ZNF91: variants seen among roughly 807,000 people sequenced by gnomAD.
ZNF91 encodes zinc finger protein 91.
In ZNF91, 7 loss-of-function variants were observed where a neutral mutation model predicts 12.6. The ratio of observed to expected loss-of-function variants is 0.55; its 90% CI spans 0.31 to 1.04. The LOEUF is 1.04. Among genes scored for constraint, ZNF91 ranks in the 50% least tolerant of loss-of-function variants. The pLI, the probability that ZNF91 is intolerant of heterozygous loss-of-function variation, is 0.05. For missense variants in ZNF91, 1,217 were observed against 1,385.4 expected (o/e 0.88, Z 1.93); for synonymous variants, 453 against 462.6 (o/e 0.98, Z 0.27).
chr19:23,322,413 C>T (rs1360337509), intron 1 of ZNF91, among the ~76,000 whole-genome samples: 1 of 152,190 alleles, frequency 6.6e-6, no homozygotes. Flanking sequence ...CTCCTAGGCA[C>T]TGCATACATT....
chr19:23,329,534 G>A (rs1234760341), intron 1 of ZNF91, among the ~76,000 whole-genome samples: 4 of 152,210 alleles, frequency 2.6e-5, no homozygotes, highest in Non-Finnish European at 4.4e-5. Flanking sequence ...GTAGTAAACG[G>A]AAGTTGCTGT....
In ZNF91 at chr19:23,344,836, A is replaced by C. The variant is rs61624697; in HGVS notation, c.254-5782T>G. On this transcript the variant is annotated intron_variant, in intron 3 of 3. Coordinates refer to the ZNF91 transcript ENST00000599743. ...CACCAGCAGCGTGCGTCAGCAAGAGAGCGGAAGCAGGAACAGTTGGCAGGA... is the reference window on the plus strand; with the variant it reads ...CACCAGCAGCGTGCGTCAGCAAGAGCGCGGAAGCAGGAACAGTTGGCAGGA... 1.5e-3 allele frequency among the ~76,000 whole-genome samples: 232 copies of C among 152,320 alleles called. 4 individuals are homozygous for C. The East Asian group carries it at 0.038, about 25-fold the overall frequency.
At chr19:23,310,800 C>A (rs1967457667), upstream of ZNF91, among the ~76,000 whole-genome samples, 1 of 152,108 alleles carries the variant, frequency 6.6e-6, no homozygotes, top group African/African-American at 2.4e-5. Context: ...TCATGTTCTG[C>A]CTTGGTGATG....
At chr19:23,318,034 C>A (rs567804219) in intron 1 of ZNF91, among the ~76,000 whole-genome samples, 1 of 152,290 alleles carries the variant, frequency 6.6e-6, no homozygotes, top group Non-Finnish European at 1.5e-5. Flanking sequence ...CTTGCTAAAC[C>A]CAGTACCTTC....
At chr19:23,376,628 A>T (rs1969513221) in intron 1 of ZNF91, among the ~76,000 whole-genome samples, 1 of 152,102 alleles carries the variant, frequency 6.6e-6, no homozygotes, top group South Asian at 2.1e-4. Context: ...ACCTCAGGTG[A>T]TCTGCCCGCC....
At chr19:23,390,647 C>A (rs1243098066) in intron 1 of ZNF91, among the ~76,000 whole-genome samples, 1 of 152,000 alleles carries the variant, frequency 6.6e-6, no homozygotes, top group Non-Finnish European at 1.5e-5. Context: ...CATGAGCCAT[C>A]GTGGTGGGCC....
At chr19:23,327,678 CTG>C (rs893614831) in intron 1 of ZNF91, 2 of 152,132 alleles carry the variant, frequency 1.3e-5, no homozygotes, top group African/African-American at 4.8e-5. Flanking sequence ...GTATTTTCCT[CTG>C]TGATACAGAA....
chr19:23,371,250 G>C (rs1053915751), intron 3 of ZNF91, among the ~76,000 whole-genome samples: 2 of 152,114 alleles, frequency 1.3e-5, no homozygotes, highest in African/African-American at 4.8e-5. Flanking sequence ...AGAGGCTGAG[G>C]CAAGAGAATC....
Position 23,361,383 on chromosome 19 carries a change from G to A in ZNF91, c.1596C>T (p.Thr532=), listed in dbSNP as rs1322228755. 6.2e-7 allele frequency: 1 copy of A among 1,613,240 alleles called. No homozygotes were observed. The highest frequency in any genetic ancestry group is 1.1e-5 in the South Asian group (1 of 91,006). ...ECGKAFRQSL[T]LNKHKIIHSR... is the part of the protein sequence containing the mutation. ...TATGAATTATCTTATGTTTATTAAG[G>A]GTTAAGGATTGTCTAAAAGCTTTGC... The change falls in exon 4 of 4, where the codon ACC becomes ACT. Residue 532 remains threonine, a synonymous_variant. Coordinates refer to ENST00000300619, the MANE Select transcript of ZNF91 (RefSeq NM_003430.4).
At chr19:23,322,505 CAT>C (rs1284264708) in intron 1 of ZNF91, among the ~76,000 whole-genome samples, 3 of 152,168 alleles carry the variant, frequency 2.0e-5, no homozygotes, top group Non-Finnish European at 4.4e-5. Flanking sequence ...TGTATTACCA[CAT>C]ATCTTTTCCT....
At chr19:23,370,119 AATT>A (rs1335777564) in intron 3 of ZNF91, among the ~76,000 whole-genome samples, 5 of 152,110 alleles carry the variant, frequency 3.3e-5, no homozygotes, top group Admixed American at 6.5e-5. Context: ...CTTTAAATAA[AATT>A]ATTATCAAAT....
chr19:23,349,831 A>C (rs1380390689), intron 3 of ZNF91, among the ~76,000 whole-genome samples: 1 of 152,150 alleles, frequency 6.6e-6, no homozygotes, highest in Non-Finnish European at 1.5e-5. Flanking sequence ...TAATAATTTA[A>C]AACAAACAAA....
intron 1 of ZNF91, among the ~76,000 whole-genome samples, chr19:23,391,924 T>C (rs1350731299): frequency 6.6e-6 from 1 of 152,166 alleles, no homozygotes; most frequent in Non-Finnish European, 1.5e-5. Flanking sequence ...AACTTGGCTT[T>C]TGAAACTATA....
rs1458210450 is a variant in ZNF91, at chr19:23,358,015, T to C, written c.*1388A>G. 5 of 152,172 alleles carry C rather than the reference T, an allele frequency of 3.3e-5. No homozygotes were observed. Among genetic ancestry groups the C allele is most frequent in the Admixed American group, 1.3e-4 (2 of 15,276 alleles). The allele number at this position is 152,172 out of a possible 1,614,324, so 9.4% of individuals were successfully genotyped here. A position where few individuals can be genotyped will look rare whatever the true frequency, so the allele number is the denominator to read the frequency against. On this transcript the variant is annotated 3_prime_UTR_variant, in exon 4 of 4. Coordinates refer to ENST00000300619, the MANE Select transcript of ZNF91 (RefSeq NM_003430.4). ...GCCTATGGGAACAATATTCTTTAAC[T>C]TAATGGCAATTAAAACTCACTGGCA... is the stretch of plus-strand genomic sequence containing the variant.
rs1327061282 is a variant in ZNF91, at chr19:23,361,966, G to C, written c.1013C>G (p.Ala338Gly). Residue 338 changes from alanine (A) to glycine (G), a missense_variant, in exon 4 of 4, where the codon GCT (alanine) becomes GGT (glycine). By Grantham distance (60) the Ala-to-Gly change is moderately conservative (BLOSUM62 0). Around this residue, in one of 2 missense-constraint regions of ZNF91, gnomAD observed 726 missense variants for 895.5 expected, o/e 0.81. Coordinates refer to ENST00000300619, the MANE Select transcript of ZNF91 (RefSeq NM_003430.4). ...TCCAGTATGAATTCTCTTATGTTTA[G>C]CAAGGGTTGAAGAACGGCTAAAAGC... Reference protein sequence around the residue: ...GKAFSRSSTLAKHKRIHTGEK... With the variant: ...GKAFSRSSTLGKHKRIHTGEK... 3.2e-6 allele frequency: 5 copies of C among 1,575,514 alleles called. No homozygotes were observed. The highest frequency in any genetic ancestry group is 4.3e-6 in the Non-Finnish European group (5 of 1,162,622).
At chr19:23,380,533 T>C (rs1454247277) in intron 1 of ZNF91, 1 of 152,064 alleles carries the variant, frequency 6.6e-6, no homozygotes, top group Non-Finnish European at 1.5e-5. Context: ...ATAGGGTTTC[T>C]AAAACAGATA....
intron 1 of ZNF91, among the ~76,000 whole-genome samples, chr19:23,323,580 TCCC>T (rs1967760934): frequency 6.7e-6 from 1 of 149,162 alleles, no homozygotes; most frequent in African/African-American, 2.5e-5. Flanking sequence ...CTTCTCTTCC[TCCC>T]ATCCTCCTTT....
At chr19:23,375,438 C>A (rs567031456) in intron 1 of ZNF91, among the ~76,000 whole-genome samples, 86 of 152,222 alleles carry the variant, frequency 5.6e-4, no homozygotes, top group South Asian at 1.0e-3. Flanking sequence ...GGATTACAGG[C>A]ATGAGCCACC....
chr19:23,386,641 A>G (rs1969882817), intron 1 of ZNF91, among the ~76,000 whole-genome samples: 1 of 152,218 alleles, frequency 6.6e-6, no homozygotes, highest in Non-Finnish European at 1.5e-5. Context: ...ATTACACCAT[A>G]CACAAAAATC....
Sources: allele counts gnomAD v4.1 joint callset (sites outside exome capture counted in the v4.1 genomes callset), GRCh38; gene constraint gnomAD v4.1.1; regional missense constraint gnomAD v4.1.1; transcripts MANE v1.5; gene names NCBI Gene and HGNC (gene_info 2026-07-23, HGNC 2026-07-21).